CSMD3: variants seen among roughly 807,000 people sequenced by gnomAD.
The protein encoded by CSMD3 is CUB and sushi domain-containing protein 3.
A neutral mutation model predicts 435.2 loss-of-function variants in CSMD3; 177 were observed. The ratio of observed to expected loss-of-function variants is 0.41; its 90% CI spans 0.36 to 0.46. The LOEUF is 0.46. Ranked by LOEUF, CSMD3 falls within the 20% of genes least tolerant of loss-of-function variation. The probability of loss-of-function intolerance (pLI) is 0.34; values close to 1 mark genes in which losing one functional copy is unlikely to be tolerated. For missense variants in CSMD3, 4,265 were observed against 4,504.6 expected (o/e 0.95, Z 1.52); for synonymous variants, 1,656 against 1,520.5 (o/e 1.09, Z -2.07).
chr8:112,409,154 T>A (rs1253838518), intron 32 of CSMD3, 122 bp from the exon 33 acceptor site: 2 of 1,519,114 alleles, frequency 1.3e-6, no homozygotes, highest in African/African-American at 1.4e-5. Flanking sequence ...ATAGTCATTT[T>A]TTTTCTACCT....
chr8:112,732,749 G>C (rs915106516), intron 13 of CSMD3, among the ~76,000 whole-genome samples: 2 of 149,230 alleles, frequency 1.3e-5, no homozygotes, highest in Non-Finnish European at 3.0e-5. Flanking sequence ...TGTCCGAATA[G>C]ACTTATTTTA....
intron 38 of CSMD3, among the ~76,000 whole-genome samples, chr8:112,356,770 C>A (rs949892266): frequency 2.0e-5 from 3 of 152,042 alleles, no homozygotes; most frequent in African/African-American, 7.2e-5. Context: ...CCTGCACGAG[C>A]TCTCTCTCTT....
chr8:112,666,786 T>C (rs548094521), intron 16 of CSMD3, among the ~76,000 whole-genome samples: 2 of 152,274 alleles, frequency 1.3e-5, no homozygotes, highest in South Asian at 4.1e-4. Context: ...TTCTTACTTA[T>C]GTTATCAAAT....
At chr8:112,287,372 T>C (rs1819309893) in intron 57 of CSMD3, 126 bp from the exon 58 acceptor site, 2 of 804,496 alleles carry the variant, frequency 2.5e-6, no homozygotes, top group Non-Finnish European at 4.3e-6. Context: ...TGGAGTAAAA[T>C]TGTAATTCAT....
At chr8:112,766,293 T>C (rs564250324) in intron 13 of CSMD3, among the ~76,000 whole-genome samples, 1 of 151,650 alleles carries the variant, frequency 6.6e-6, no homozygotes, top group Non-Finnish European at 1.5e-5. Flanking sequence ...AGAGATATTC[T>C]TGGAATATAT....
intron 5 of CSMD3, among the ~76,000 whole-genome samples, chr8:113,086,244 G>A (rs771567755): frequency 7.4e-4 from 108 of 145,506 alleles, no homozygotes; most frequent in African/African-American, 2.7e-3. Context: ...GCGAGACTCC[G>A]TCAAAAAAAA....
chr8:113,303,785 G>A (rs954712504), intron 2 of CSMD3, among the ~76,000 whole-genome samples: 4 of 139,090 alleles, frequency 2.9e-5, no homozygotes, highest in Admixed American at 7.9e-5. Flanking sequence ...AGATTTAAAC[G>A]TTAGACCTAA....
chr8:112,935,489 C>T (rs2083252964), intron 9 of CSMD3, among the ~76,000 whole-genome samples: 1 of 151,868 alleles, frequency 6.6e-6, no homozygotes, highest in African/African-American at 2.4e-5. Flanking sequence ...CTGTAGATTG[C>T]TATGGTTAGT....
At chr8:112,272,128 A>G (rs1300417133) in intron 59 of CSMD3, among the ~76,000 whole-genome samples, 1 of 152,200 alleles carries the variant, frequency 6.6e-6, no homozygotes, top group African/African-American at 2.4e-5. Context: ...AGGATCTGCT[A>G]GCACCTTGAT....
At chr8:112,658,321 A>G (rs1281082598) in intron 17 of CSMD3, among the ~76,000 whole-genome samples, 2 of 152,188 alleles carry the variant, frequency 1.3e-5, no homozygotes, top group Non-Finnish European at 2.9e-5. Context: ...CAAAATGAAT[A>G]AAACTCATAT....
intron 3 of CSMD3, among the ~76,000 whole-genome samples, chr8:113,211,139 A>G (rs1400411889): frequency 6.6e-6 from 1 of 152,184 alleles, no homozygotes; most frequent in Non-Finnish European, 1.5e-5. Flanking sequence ...GCGTCATGAC[A>G]AATATACTCA....
chr8:113,333,682 T>A (rs1369003574), intron 1 of CSMD3, among the ~76,000 whole-genome samples: 1 of 151,956 alleles, frequency 6.6e-6, no homozygotes, highest in Admixed American at 6.6e-5. Context: ...TGTAACTACA[T>A]AATAAGCTTT....
At chr8:112,413,262 G>C (rs575889860) in intron 32 of CSMD3, among the ~76,000 whole-genome samples, 1 of 152,138 alleles carries the variant, frequency 6.6e-6, no homozygotes, top group Non-Finnish European at 1.5e-5. Flanking sequence ...TGTAGACAAA[G>C]CAAGCTTTAT....
chr8:113,249,438 GTTT>G lies in CSMD3; in HGVS notation c.514+29151_514+29153del, dbSNP rs1429016701. On this transcript the variant is annotated intron_variant, in intron 3 of 70. Coordinates refer to ENST00000297405, the MANE Select transcript of CSMD3 (RefSeq NM_198123.2). ...TTGTGAAAGATGGTCCCAGAAACAAGTTTTAGATAGTAGTTACTTGCCTCCCCT... is the reference window on the plus strand; with the variant it reads ...TTGTGAAAGATGGTCCCAGAAACAAGTAGATAGTAGTTACTTGCCTCCCCT... Among the ~76,000 whole-genome samples, 461 of 152,128 alleles carry G rather than the reference GTTT, an allele frequency of 3.0e-3. 2 individuals are homozygous for G. The highest frequency in any genetic ancestry group is 9.4e-3 in the African/African-American group (389 of 41,522).
chr8:113,281,479 C>A (rs1336293172), intron 2 of CSMD3, among the ~76,000 whole-genome samples: 1 of 151,670 alleles, frequency 6.6e-6, no homozygotes, highest in Non-Finnish European at 1.5e-5. Context: ...CTAAGAACAC[C>A]TACCTCTGCT....
chr8:112,270,349 T>A (rs1389965114), intron 59 of CSMD3, among the ~76,000 whole-genome samples: 4 of 42,514 alleles, frequency 9.4e-5, no homozygotes, highest in African/African-American at 2.4e-4. Context: ...GGTGAGTGTG[T>A]GTGTGTGTGT....
chr8:112,367,872 G>A (rs1337936252), intron 38 of CSMD3, among the ~76,000 whole-genome samples: 3 of 152,068 alleles, frequency 2.0e-5, no homozygotes, highest in African/African-American at 7.2e-5. Flanking sequence ...CAGCTATGTG[G>A]GTTTATCTCA....
intron 59 of CSMD3, among the ~76,000 whole-genome samples, chr8:112,277,219 A>C (rs947951503): frequency 6.6e-6 from 1 of 152,158 alleles, no homozygotes; most frequent in African/African-American, 2.4e-5. Flanking sequence ...ATGCTTTTTA[A>C]CAGCACCTGA....
chr8:112,743,080 AAGT>A (rs2077346916), intron 13 of CSMD3, among the ~76,000 whole-genome samples: 1 of 152,054 alleles, frequency 6.6e-6, no homozygotes, highest in Non-Finnish European at 1.5e-5. Flanking sequence ...ACATATTCTT[AAGT>A]GACTCTGTGT....
Sources: allele counts gnomAD v4.1 joint callset (sites outside exome capture counted in the v4.1 genomes callset), GRCh38; gene constraint gnomAD v4.1.1; transcripts MANE v1.5; gene names NCBI Gene and HGNC (gene_info 2026-07-23, HGNC 2026-07-21).